Variants in ARHGAP10 observed in about 807,000 individuals in gnomAD.
The protein encoded by ARHGAP10 is Rho GTPase activating protein 10, also known as rho GTPase-activating protein 10.
A neutral mutation model predicts 108.6 loss-of-function variants in ARHGAP10; 87 were observed. That is an observed-to-expected ratio of 0.80 (90% CI 0.67 to 0.96). The LOEUF is 0.96. ARHGAP10 is among the 40% of genes least tolerant of loss of function. The pLI, the probability that ARHGAP10 is intolerant of heterozygous loss-of-function variation, is 0.00. For synonymous variants in ARHGAP10, 347 were observed against 341.1 expected (o/e 1.02, Z -0.19); for missense variants, 939 against 954.5 (o/e 0.98, Z 0.21).
At chr4:147,876,650 T>G (rs1735075506) in intron 8 of ARHGAP10, among the ~76,000 whole-genome samples, 2 of 152,158 alleles carry the variant, frequency 1.3e-5, no homozygotes, top group African/African-American at 4.8e-5. Flanking sequence ...TTGAGAATGT[T>G]AGAATTATTT....
chr4:147,960,966 T>G (rs992242605), intron 16 of ARHGAP10, among the ~76,000 whole-genome samples: 3 of 152,246 alleles, frequency 2.0e-5, no homozygotes, highest in African/African-American at 7.2e-5. Flanking sequence ...AATGGACATT[T>G]GGGTTGTTTC....
chr4:147,979,555 T>C (rs2149625946), intron 18 of ARHGAP10, among the ~76,000 whole-genome samples: 1 of 152,332 alleles, frequency 6.6e-6, no homozygotes, highest in Admixed American at 6.5e-5. Context: ...GAAAAGTGTT[T>C]TCTAATTCTC....
chr4:147,848,941 C>G (rs529565261), intron 4 of ARHGAP10, among the ~76,000 whole-genome samples: 1 of 152,212 alleles, frequency 6.6e-6, no homozygotes, highest in East Asian at 1.9e-4. Context: ...TGACCAAATT[C>G]TTTCCTGAAG....
chr4:147,947,921 A>G (rs1007680745), intron 15 of ARHGAP10, among the ~76,000 whole-genome samples: 1 of 149,096 alleles, frequency 6.7e-6, no homozygotes, highest in Non-Finnish European at 1.5e-5. Flanking sequence ...TTCTTAATTC[A>G]TTAATCTTCC....
chr4:147,857,129 G>A (rs1355868318), intron 4 of ARHGAP10, among the ~76,000 whole-genome samples: 1 of 152,218 alleles, frequency 6.6e-6, no homozygotes, highest in Admixed American at 6.5e-5. Context: ...TGAGATTACA[G>A]GTGTGAGCCA....
At chr4:147,964,401 C>T (rs931063558) in intron 16 of ARHGAP10, among the ~76,000 whole-genome samples, 1 of 152,214 alleles carries the variant, frequency 6.6e-6, no homozygotes, top group Non-Finnish European at 1.5e-5. Context: ...TCTTGATCGA[C>T]GCTGGTGCTT....
At chr4:147,794,758 A>C (rs138941943) in intron 1 of ARHGAP10, among the ~76,000 whole-genome samples, 1 of 152,338 alleles carries the variant, frequency 6.6e-6, no homozygotes, top group Non-Finnish European at 1.5e-5. Flanking sequence ...TGAGATGTTA[A>C]AGTAGCCCAG....
intron 3 of ARHGAP10, among the ~76,000 whole-genome samples, chr4:147,830,484 T>C (rs562627254): frequency 6.6e-6 from 1 of 151,544 alleles, no homozygotes; most frequent in African/African-American, 2.4e-5. Context: ...TTTGCCACTT[T>C]TTTTTTAAAT....
Position 147,844,848 on chromosome 4 carries a change from A to G in ARHGAP10, c.313-2303A>G, listed in dbSNP as rs1332750680. Among the ~76,000 whole-genome samples, 5 of 151,942 alleles carry G rather than the reference A, an allele frequency of 3.3e-5. No individual in the cohort carries two copies. The South Asian group carries it at 6.2e-4, about 19-fold the overall frequency. On this transcript the variant is annotated intron_variant, in intron 3 of 22. Transcript: ENST00000336498. ...TGTCTTCCGGTTTTCTGTACCTTTC[A>G]TCTCTCCCTCAGCAGCCAGAGTAAT...
At position 148,023,349 on chromosome 4, in the gene ARHGAP10, G is replaced by A. The variant is rs1741645282; in HGVS notation, c.1803G>A (p.Lys601=). 6.2e-7 allele frequency: 1 copy of A among 1,614,252 alleles called. No homozygotes were observed. The highest frequency in any genetic ancestry group is 1.3e-5 in the African/African-American group (1 of 75,070). ...SPPNAPPRQS[K]RQGQRTKRPV... ...CAAATGCGCCACCAAGGCAGTCGAA[G>A]AGACAAGGCCAGAGAACCAAGAGGC... The change falls in exon 19 of 23, where the codon AAG becomes AAA. Residue 601 remains lysine (K), a synonymous_variant. Coordinates refer to ENST00000336498, the MANE Select transcript of ARHGAP10 (RefSeq NM_024605.4).
At chr4:147,999,010 T>C (rs1203069638) in intron 18 of ARHGAP10, among the ~76,000 whole-genome samples, 2 of 152,162 alleles carry the variant, frequency 1.3e-5, no homozygotes, top group Non-Finnish European at 2.9e-5. Flanking sequence ...ACAGATATGA[T>C]TGTGTACATA....
chr4:147,921,779 C>T (rs556492966), intron 13 of ARHGAP10, among the ~76,000 whole-genome samples: 4 of 152,270 alleles, frequency 2.6e-5, no homozygotes, highest in Admixed American at 6.5e-5. Flanking sequence ...TCCCACCTGC[C>T]GTCTCTGTGT....
intron 21 of ARHGAP10, 146 bp downstream of exon 21, chr4:148,063,446 C>A: frequency 8.9e-7 from 1 of 1,123,206 alleles, no homozygotes; most frequent in Non-Finnish European, 1.3e-6. Context: ...CACTTACCAC[C>A]TTGTATCAGG....
At chr4:147,961,601 C>G (rs576342771) in intron 16 of ARHGAP10, among the ~76,000 whole-genome samples, 1 of 151,900 alleles carries the variant, frequency 6.6e-6, no homozygotes, top group Admixed American at 6.6e-5. Flanking sequence ...TCTGCTTTAC[C>G]TCTCTTTCCC....
intron 19 of ARHGAP10, among the ~76,000 whole-genome samples, chr4:148,037,992 TTGTTAAGA>T (rs1201807919): frequency 6.6e-6 from 1 of 152,140 alleles, no homozygotes; most frequent in African/African-American, 2.4e-5. Context: ...TCTGGATTCA[TTGTTAAGA>T]ATTAGGTTTT....
chr4:147,873,638 C>T (rs907925811), intron 7 of ARHGAP10, among the ~76,000 whole-genome samples: 4 of 149,556 alleles, frequency 2.7e-5, no homozygotes, highest in South Asian at 2.2e-4. Context: ...CCAGCCTGGG[C>T]CCCATAATGA....
chr4:148,001,146 T>A (rs183641764), intron 18 of ARHGAP10, among the ~76,000 whole-genome samples: 1 of 152,376 alleles, frequency 6.6e-6, no homozygotes, highest in East Asian at 1.9e-4. Flanking sequence ...TAGCCAGTTT[T>A]CCCAGCACCT....
At chr4:148,001,541 C>T (rs904585390) in intron 18 of ARHGAP10, among the ~76,000 whole-genome samples, 1 of 151,980 alleles carries the variant, frequency 6.6e-6, no homozygotes, top group Non-Finnish European at 1.5e-5. Flanking sequence ...TCTTCCTATC[C>T]ATGAGTATGG....
At chr4:147,822,430 G>A (rs1732539824) in intron 1 of ARHGAP10, among the ~76,000 whole-genome samples, 1 of 152,222 alleles carries the variant, frequency 6.6e-6, no homozygotes, top group South Asian at 2.1e-4. Context: ...CAGAGAAAGG[G>A]AGAATACTTT....
Sources: allele counts gnomAD v4.1 joint callset (sites outside exome capture counted in the v4.1 genomes callset), GRCh38; gene constraint gnomAD v4.1.1; transcripts MANE v1.5; gene names NCBI Gene and HGNC (gene_info 2026-07-23, HGNC 2026-07-21).